ADAMTSL3: variants seen among roughly 807,000 people sequenced by gnomAD.
ADAMTSL3 encodes ADAMTS-like protein 3.
ADAMTSL3 carries 128 observed loss-of-function variants against 201.7 expected under a neutral mutation model. The ratio of observed to expected loss-of-function variants is 0.63; its 90% CI spans 0.55 to 0.73. ADAMTSL3 has a LOEUF of 0.73. Ranked by LOEUF, ADAMTSL3 falls within the 30% of genes least tolerant of loss-of-function variation. The pLI, the probability that ADAMTSL3 is intolerant of heterozygous loss-of-function variation, is 0.00. For missense variants in ADAMTSL3, 1,990 were observed against 2,119.6 expected, an observed-to-expected ratio of 0.94 and a Z score of 1.20; for synonymous variants, 738 against 748.4, an observed-to-expected ratio of 0.99 and a Z score of 0.23.
chr15:83,717,630 C>T lies in ADAMTSL3; in HGVS notation c.189+13122C>T, dbSNP rs567008108. The T allele has an allele frequency of 2.4e-4, 37 of 152,194 alleles. No individual in the cohort carries two copies. In the South Asian group the frequency reaches 3.3e-3, roughly 14 times the overall value. The allele number at this position is 152,194 out of a possible 1,614,324, so 9.4% of individuals were successfully genotyped here. Reference sequence around the variant, plus strand: ...TATCTTACACATTTGGCTTTGGGATCATGCAAATATTTTATATATTTGTAA... The same window carrying T: ...TATCTTACACATTTGGCTTTGGGATTATGCAAATATTTTATATATTTGTAA... On this transcript the variant is annotated intron_variant, in intron 3 of 29. Coordinates refer to ENST00000286744, the MANE Select transcript of ADAMTSL3 (RefSeq NM_207517.3).
intron 4 of ADAMTSL3, among the ~76,000 whole-genome samples, chr15:83,784,598 C>T (rs548135687): frequency 4.9e-4 from 75 of 152,180 alleles, no homozygotes; most frequent in African/African-American, 1.6e-3. Flanking sequence ...AAAATCTTTC[C>T]TCCTCTCTCC....
At chr15:83,900,414 G>A (rs2065701319) in intron 15 of ADAMTSL3, among the ~76,000 whole-genome samples, 1 of 152,182 alleles carries the variant, frequency 6.6e-6, no homozygotes, top group Admixed American at 6.5e-5. Flanking sequence ...CAGTTATATA[G>A]GGACAAAAAG....
chr15:83,947,813 A>G (rs1369327759), intron 19 of ADAMTSL3, among the ~76,000 whole-genome samples: 2 of 152,148 alleles, frequency 1.3e-5, no homozygotes, highest in Non-Finnish European at 2.9e-5. Context: ...ACTCCCATGG[A>G]TGATTTTCAA....
At chr15:84,008,817 G>C (rs990285502) in intron 23 of ADAMTSL3, among the ~76,000 whole-genome samples, 2 of 152,102 alleles carry the variant, frequency 1.3e-5, no homozygotes, top group Non-Finnish European at 2.9e-5. Flanking sequence ...CCTGAGTTCT[G>C]CTCCCAAACT....
At chr15:83,833,370 G>A (rs2141963972) in intron 6 of ADAMTSL3, among the ~76,000 whole-genome samples, 1 of 152,284 alleles carries the variant, frequency 6.6e-6, no homozygotes, top group Non-Finnish European at 1.5e-5. Flanking sequence ...CATGGCAGAA[G>A]GGATGAGGGA....
In ADAMTSL3 at chr15:83,983,047, G is replaced by A; in HGVS notation, c.3419G>A (p.Gly1140Asp). The change falls in exon 21 of 30, where the codon GGC (glycine) becomes GAC (aspartate). Residue 1140 changes from glycine (G) to aspartate (D), a missense_variant. Transcript: ENST00000286744. ...KAQPTHMQWR[G>D]IQEETPPAAQ... ...CAGCCAACACACATGCAGTGGCGGGGCATCCAGGAAGAGACACCTCCTGCT... is the reference window on the plus strand; with the variant it reads ...CAGCCAACACACATGCAGTGGCGGGACATCCAGGAAGAGACACCTCCTGCT... 8 of 1,614,122 alleles carry A rather than the reference G, an allele frequency of 5.0e-6. No homozygotes were observed. Among genetic ancestry groups the A allele is most frequent in the Non-Finnish European group, 6.8e-6 (8 of 1,180,026 alleles).
In ADAMTSL3 at chr15:83,847,059, C is replaced by A. The variant is rs188216745; in HGVS notation, c.727+8844C>A. On this transcript the variant is annotated intron_variant, in intron 7 of 29. Coordinates refer to ENST00000286744, the MANE Select transcript of ADAMTSL3 (RefSeq NM_207517.3). ...AAATAAACATACGTCAGGTTGGGAG[C>A]AGATGTTTCTGCATAGGAGCTAAGG... Among the ~76,000 whole-genome samples the A allele has an allele frequency of 3.4e-3, 523 of 152,250 alleles. 2 individuals carry two copies. The highest frequency in any genetic ancestry group is 0.012 in the African/African-American group (500 of 41,528).
chr15:83,851,094 A>T (rs1453590917), intron 7 of ADAMTSL3, among the ~76,000 whole-genome samples: 1 of 152,188 alleles, frequency 6.6e-6, no homozygotes, highest in East Asian at 1.9e-4. Flanking sequence ...CTGTGTTTTA[A>T]CAAGTTTTCT....
chr15:83,678,195 G>T (rs1013299841), intron 2 of ADAMTSL3, among the ~76,000 whole-genome samples: 2 of 152,026 alleles, frequency 1.3e-5, no homozygotes, highest in Admixed American at 1.3e-4. Context: ...TAAGGAGAAG[G>T]ATATTCTATT....
chr15:84,016,527 G>C (rs1181305704), intron 25 of ADAMTSL3, 28 bp downstream of exon 25: 2 of 1,571,744 alleles, frequency 1.3e-6, no homozygotes, highest in Admixed American at 1.7e-5. Context: ...TTTCAGATTT[G>C]CTATGTGTGA....
At chr15:83,882,213 G>A (rs917115866) in intron 9 of ADAMTSL3, among the ~76,000 whole-genome samples, 1 of 152,030 alleles carries the variant, frequency 6.6e-6, no homozygotes, top group African/African-American at 2.4e-5. Context: ...ATTTTAGGCA[G>A]CATTTTTATT....
At chr15:83,669,719 C>T (rs532400815) in intron 2 of ADAMTSL3, among the ~76,000 whole-genome samples, 19 of 151,746 alleles carry the variant, frequency 1.3e-4, no homozygotes, top group African/African-American at 3.6e-4. Context: ...CTGTCCGCCT[C>T]GGCCTCCCAA....
intron 3 of ADAMTSL3, among the ~76,000 whole-genome samples, chr15:83,761,574 G>A (rs1253791841): frequency 6.6e-6 from 1 of 152,088 alleles, no homozygotes; most frequent in African/African-American, 2.4e-5. Flanking sequence ...TGGCATGGTT[G>A]ATCTGTATTA....
chr15:83,806,491 C>G (rs1187455719), intron 5 of ADAMTSL3, among the ~76,000 whole-genome samples: 2 of 152,220 alleles, frequency 1.3e-5, no homozygotes, highest in Non-Finnish European at 2.9e-5. Flanking sequence ...AGGGAAAAGT[C>G]TTTCCTTATA....
intron 7 of ADAMTSL3, among the ~76,000 whole-genome samples, chr15:83,840,155 G>GGGAATCCAA (rs2064346749): frequency 6.6e-6 from 1 of 152,130 alleles, no homozygotes. Context: ...AGAAGTTTAA[G>GGGAATCCAA]GGAATCCAAC....
At chr15:83,948,670 A>C (rs955758719) in intron 19 of ADAMTSL3, among the ~76,000 whole-genome samples, 3 of 152,134 alleles carry the variant, frequency 2.0e-5, no homozygotes, top group African/African-American at 7.2e-5. Context: ...TACAGATTTA[A>C]TTTGGTCTTG....
In ADAMTSL3 at chr15:83,897,885, C is replaced by G. The variant is rs267604348; in HGVS notation, c.1495C>G (p.Arg499Gly). 6.2e-6 allele frequency: 10 copies of G among 1,607,708 alleles called. No homozygotes were observed. The highest frequency in any genetic ancestry group is 8.5e-6 in the Non-Finnish European group (10 of 1,176,320). ...CACAGTGACTTGTGGCCGAGGGTTA[C>G]GGTACCGGGTTGTTCTGTGTATTAA... ...QCTVTCGRGL[R>G]YRVVLCINHR... is the part of the protein sequence containing the mutation. The change falls in exon 14 of 30, where the codon CGG becomes GGG. Residue 499 changes from arginine to glycine, a missense_variant. By Grantham distance (125) the Arg-to-Gly change is moderately radical. Coordinates refer to ENST00000286744, the MANE Select transcript of ADAMTSL3 (RefSeq NM_207517.3).
At chr15:84,014,487 C>T in intron 23 of ADAMTSL3, 55 bp from the exon 24 acceptor site, 2 of 1,513,388 alleles carry the variant, frequency 1.3e-6, no homozygotes, top group Non-Finnish European at 1.8e-6. Context: ...TCAAGTGGTT[C>T]TGTGGCCCTG....
intron 3 of ADAMTSL3, among the ~76,000 whole-genome samples, chr15:83,764,674 A>G (rs1310124954): frequency 4.6e-5 from 7 of 152,158 alleles, no homozygotes; most frequent in African/African-American, 1.7e-4. Context: ...GATAATGAGA[A>G]TCGTCAAATC....
Sources: allele counts gnomAD v4.1 joint callset (sites outside exome capture counted in the v4.1 genomes callset), GRCh38; gene constraint gnomAD v4.1.1; transcripts MANE v1.5; gene names NCBI Gene and HGNC (gene_info 2026-07-23, HGNC 2026-07-21).